Variants in DNAJC19 observed in about 807,000 individuals in gnomAD.
DNAJC19 encodes mitochondrial import inner membrane translocase subunit TIM14.
A neutral mutation model predicts 19.8 loss-of-function variants in DNAJC19; 15 were observed. The observed-to-expected ratio is 0.76, with a 90% CI of 0.51 to 1.17. The LOEUF (loss-of-function observed/expected upper bound fraction) is 1.17, where lower values mean the gene tolerates loss of function less well. DNAJC19 is among the 50% of genes most tolerant of loss of function. The pLI is 0.00. For synonymous variants in DNAJC19, 38 were observed against 42.1 expected (o/e 0.90, Z 0.38); for missense variants, 105 against 140.9 (o/e 0.75, Z 1.29).
At chr3:180,984,751 C>G in intron 5 of DNAJC19, 41 bp from the exon 6 acceptor site, 1 of 1,434,958 alleles carries the variant, frequency 7.0e-7, no homozygotes. Flanking sequence ...AATATGGATT[C>G]TCAATTTCTG....
At chr3:180,989,380 G>GT in intron 1 of DNAJC19, 2 of 1,429,106 alleles carry the variant, frequency 1.4e-6, no homozygotes, top group South Asian at 3.0e-5. Context: ...GTGCGGACAA[G>GT]AAGCTGGAGA....
chr3:180,988,316 A>C, intron 1 of DNAJC19, 87 bp from the exon 2 acceptor site: 1 of 1,485,908 alleles, frequency 6.7e-7, no homozygotes, highest in Non-Finnish European at 9.3e-7. Flanking sequence ...AACTCATTAC[A>C]AACTGCATTT....
Position 180,985,912 on chromosome 3 carries a change from T to G in DNAJC19, c.280+14A>C. ...CACACCAACAACATCAACGAGAATT[T>G]AATGACTACTTACCTTTGTCAGGAT... On this transcript the variant is annotated intron_variant, in intron 5 of 5. Transcript: ENST00000382564. 1.2e-6 allele frequency: 2 copies of G among 1,609,840 alleles called. No homozygotes were observed. The highest frequency in any genetic ancestry group is 1.7e-6 in the Non-Finnish European group (2 of 1,176,476).
intron 3 of DNAJC19, chr3:180,987,246 T>A (rs1190326178): frequency 3.5e-6 from 2 of 564,590 alleles, no homozygotes; most frequent in Non-Finnish European, 6.3e-6. Flanking sequence ...CCAGTCAATA[T>A]GAACTATCTT....
At chr3:180,989,748 C>G, upstream of DNAJC19, 5 of 1,350,816 alleles carry the variant, frequency 3.7e-6, no homozygotes, top group Non-Finnish European at 5.1e-6. Context: ...GCAGGAGCAG[C>G]CGCAAACTAG....
In DNAJC19 at chr3:180,985,945, A is replaced by G. The variant is rs1714880670; in HGVS notation, c.261T>C (p.Leu87=). The G allele has an allele frequency of 1.2e-6, 2 of 1,613,716 alleles. No homozygotes were observed. Among genetic ancestry groups the G allele is most frequent in the South Asian group, 2.2e-5 (2 of 91,084 alleles). ...ACTTACCTTTGTCAGGATGATTTAA[A>G]AGCATAATTCGTCGATGAGCATCTC... The part of the protein sequence containing the change: ...KIRDAHRRIM[L]LNHPDKGGSP... The change falls in exon 5 of 6, where the codon CTT becomes CTC. Residue 87 remains leucine (L), a synonymous_variant. Transcript: ENST00000382564.
At chr3:180,986,281 GTTTTGT>G (rs1714903321) in intron 4 of DNAJC19, among the ~76,000 whole-genome samples, 1 of 137,284 alleles carries the variant, frequency 7.3e-6, no homozygotes, top group African/African-American at 2.8e-5. Context: ...AGAAGGAAGA[GTTTTGT>G]TTTTTTTTTT....
chr3:180,989,257 G>A, intron 1 of DNAJC19: 1 of 1,227,722 alleles, frequency 8.1e-7, no homozygotes. Context: ...CTAGTGCTGT[G>A]AAGATGTGTT....
chr3:180,987,103 A>AAATAAGAAATTT, intron 3 of DNAJC19, 81 bp from the exon 4 acceptor site: 1 of 1,181,242 alleles, frequency 8.5e-7, no homozygotes, highest in Non-Finnish European at 1.3e-6. Flanking sequence ...TATTCACAGA[A>AAATAAGAAATTT]CTAAGAAAAA....
At chr3:180,986,041 T>A (rs749190189) in intron 4 of DNAJC19, 45 bp from the exon 5 acceptor site, 2 of 1,508,534 alleles carry the variant, frequency 1.3e-6, no homozygotes, top group South Asian at 2.2e-5. Flanking sequence ...TACTTCTGCA[T>A]CACATCAAAA....
At chr3:180,985,748 A>C (rs1040020857) in intron 5 of DNAJC19, 178 bp downstream of exon 5, 8 of 617,288 alleles carry the variant, frequency 1.3e-5, no homozygotes, top group African/African-American at 3.7e-5. Flanking sequence ...TCATTCTGTA[A>C]GTAAAGTTTT....
intron 4 of DNAJC19, 65 bp downstream of exon 4, chr3:180,986,874 GTCTT>G (rs1243191282): frequency 7.6e-6 from 10 of 1,319,076 alleles, no homozygotes; most frequent in Non-Finnish European, 9.9e-6. Context: ...AGGAGAGAAG[GTCTT>G]TCTTATATTT....
In DNAJC19 at chr3:180,983,981, T is replaced by G. The variant is rs1250978599; in HGVS notation, c.*659A>C. ...GGGAGGCTGAGGCGGGAGGACTGCT[T>G]AAACCCAGGAGGTTGAGGCTGCAAT... On this transcript the variant is annotated 3_prime_UTR_variant, in exon 6 of 6. Coordinates refer to ENST00000382564, the MANE Select transcript of DNAJC19 (RefSeq NM_145261.4). 2.2e-6 allele frequency: 1 copy of G among 453,974 alleles called. No individual in the cohort carries two copies. The highest frequency in any genetic ancestry group is 6.9e-5 in the East Asian group (1 of 14,396). 28.1% of individuals were successfully genotyped at this position (453,974 alleles called of 1,614,324 possible). A position where few individuals can be genotyped will look rare whatever the true frequency, so the allele number is the denominator to read the frequency against.
At chr3:180,986,268 TGAA>T (rs1243684805) in intron 4 of DNAJC19, among the ~76,000 whole-genome samples, 1 of 150,468 alleles carries the variant, frequency 6.6e-6, no homozygotes, top group Non-Finnish European at 1.5e-5. Flanking sequence ...GATTTGAAAA[TGAA>T]GAAGGAAGAG....
chr3:180,984,283 C>A lies in DNAJC19; in HGVS notation c.*357G>T, dbSNP rs764012878. On this transcript the variant is annotated 3_prime_UTR_variant, in exon 6 of 6. Coordinates refer to ENST00000382564, the MANE Select transcript of DNAJC19 (RefSeq NM_145261.4). ...CTAATTTCCATCATACTATTTATCACAGTCTAATTACCAGTTTATCAGTCT... is the reference window on the plus strand; with the variant it reads ...CTAATTTCCATCATACTATTTATCAAAGTCTAATTACCAGTTTATCAGTCT... 1.3e-5 allele frequency: 6 copies of A among 455,794 alleles called. No homozygotes were observed. The highest frequency in any genetic ancestry group is 9.3e-5 in the South Asian group (6 of 64,484). 28.2% of individuals were successfully genotyped at this position (455,794 alleles called of 1,614,324 possible).
At position 180,988,342 on chromosome 3, in the gene DNAJC19, CT is replaced by C. The variant is rs962255002; in HGVS notation, c.4-114del. On this transcript the variant is annotated intron_variant, in intron 1 of 5. Coordinates refer to ENST00000382564, the MANE Select transcript of DNAJC19 (RefSeq NM_145261.4). ...AACTGCATTTTAATAGGAGAAACAA[CT>C]TTTTTTTTTCTTTTTTTTTTTTTTT... 1,229 of 898,958 alleles carry C rather than the reference CT, an allele frequency of 1.4e-3. 4 individuals are homozygous for C. Among genetic ancestry groups the C allele is most frequent in the East Asian group, 0.012 (418 of 34,226 alleles). The allele number at this position is 898,958 out of a possible 1,614,324, so 55.7% of individuals were successfully genotyped here. A position where few individuals can be genotyped will look rare whatever the true frequency, so the allele number is the denominator to read the frequency against.
chr3:180,988,282 C>T (rs1715012951), intron 1 of DNAJC19, 53 bp from the exon 2 acceptor site: 1 of 1,602,320 alleles, frequency 6.2e-7, no homozygotes, highest in Non-Finnish European at 8.5e-7. Flanking sequence ...CACCCTTTCT[C>T]ATTTTGCCCA....
At chr3:180,987,101 GAACTAAGAAA>G in intron 3 of DNAJC19, 79 bp from the exon 4 acceptor site, 1 of 1,309,344 alleles carries the variant, frequency 7.6e-7, no homozygotes, top group Non-Finnish European at 1.1e-6. Flanking sequence ...AATATTCACA[GAACTAAGAAA>G]AACTAAGACA....
intron 3 of DNAJC19, chr3:180,987,778 G>A (rs1714986611): frequency 7.5e-6 from 4 of 536,230 alleles, no homozygotes; most frequent in African/African-American, 5.7e-5. Flanking sequence ...ATGTGAAAAA[G>A]TGAAACTTGG....
Sources: gnomAD v4.1 joint callset for allele counts (sites outside exome capture counted in the v4.1 genomes callset) on GRCh38, gnomAD v4.1.1 for gene constraint, MANE v1.5 for transcripts, NCBI Gene and HGNC (gene_info 2026-07-23, HGNC 2026-07-21) for gene names.